PPP2R2C: variants seen among roughly 807,000 people sequenced by gnomAD.
The protein encoded by PPP2R2C is protein phosphatase 2 regulatory subunit Bgamma.
In PPP2R2C, 10 loss-of-function variants were observed where a neutral mutation model predicts 45.3. The ratio of observed to expected loss-of-function variants is 0.22; its 90% CI spans 0.14 to 0.37. PPP2R2C has a LOEUF of 0.37. PPP2R2C is among the 10% of genes least tolerant of loss of function. The pLI is 1.00. For synonymous variants in PPP2R2C, 257 were observed against 245.4 expected (o/e 1.05, Z -0.44); for missense variants, 308 against 619.7 (o/e 0.50, Z 5.34).
At chr4:6,339,421 C>T (rs58048711) in intron 6 of PPP2R2C, among the ~76,000 whole-genome samples, 35,103 of 152,276 alleles carry the variant, frequency 0.23, 4,283 homozygotes, top group Admixed American at 0.26. Flanking sequence ...CTTCCCCAAC[C>T]TGATGTGGTT....
At chr4:6,525,626 G>A (rs959919673) in intron 2 of PPP2R2C, among the ~76,000 whole-genome samples, 2 of 152,076 alleles carry the variant, frequency 1.3e-5, no homozygotes, top group African/African-American at 2.4e-5. Context: ...CAGCCCTTTC[G>A]AAAGCCTTGC....
chr4:6,556,228 A>C (rs926978284), intron 1 of PPP2R2C, among the ~76,000 whole-genome samples: 1 of 152,162 alleles, frequency 6.6e-6, no homozygotes, highest in South Asian at 2.1e-4. Context: ...TGAGCATTTG[A>C]ATCAGTAGAC....
intron 6 of PPP2R2C, among the ~76,000 whole-genome samples, chr4:6,341,206 G>A (rs1733416321): frequency 6.6e-6 from 1 of 152,142 alleles, no homozygotes; most frequent in Non-Finnish European, 1.5e-5. Flanking sequence ...GGGTGTGGTG[G>A]CCGGCACCTG....
At chr4:6,557,585 G>T (rs902644171) in intron 1 of PPP2R2C, among the ~76,000 whole-genome samples, 1 of 152,168 alleles carries the variant, frequency 6.6e-6, no homozygotes, top group South Asian at 2.1e-4. Context: ...GGGGCAAAGG[G>T]CCCGGGACAG....
chr4:6,506,825 G>A (rs1723250983), intron 2 of PPP2R2C, among the ~76,000 whole-genome samples: 1 of 152,204 alleles, frequency 6.6e-6, no homozygotes, highest in Non-Finnish European at 1.5e-5. Context: ...TCTTTCACAT[G>A]TCTGGTGGTC....
At chr4:6,384,699 A>G in intron 1 of PPP2R2C, 1 of 985,440 alleles carries the variant, frequency 1.0e-6, no homozygotes, top group Non-Finnish European at 1.2e-6. Context: ...ACACACACTA[A>G]TGTCTGTGGG....
exon 2 of PPP2R2C, chr4:6,535,338 C>G (rs528496736): frequency 9.8e-6 from 15 of 1,534,778 alleles, no homozygotes; most frequent in Non-Finnish European, 1.2e-5. Flanking sequence ...AGGTGACTAA[C>G]ACAGGTCATT....
chr4:6,519,115 A>T (rs150826210), intron 2 of PPP2R2C, among the ~76,000 whole-genome samples: 3 of 152,122 alleles, frequency 2.0e-5, no homozygotes, highest in African/African-American at 7.2e-5. Context: ...CAGAATGGAG[A>T]GGATAGTGAG....
chr4:6,519,210 T>C (rs1363495974), intron 2 of PPP2R2C, among the ~76,000 whole-genome samples: 1 of 152,128 alleles, frequency 6.6e-6, no homozygotes, highest in African/African-American at 2.4e-5. Context: ...CCCAGCTATG[T>C]TGGGAGACCA....
chr4:6,424,763 C>T (rs1719193693), intron 1 of PPP2R2C, among the ~76,000 whole-genome samples: 1 of 152,132 alleles, frequency 6.6e-6, no homozygotes, highest in Admixed American at 6.5e-5. Context: ...GGGGGCAAAT[C>T]ACCCTTCCCA....
In PPP2R2C at chr4:6,328,965, A is replaced by G. The variant is rs1197383946; in HGVS notation, c.1052+297T>C. 2.0e-5 allele frequency among the ~76,000 whole-genome samples: 3 copies of G among 152,150 alleles called. No homozygotes were observed. Among genetic ancestry groups the G allele is most frequent in the Non-Finnish European group, 4.4e-5 (3 of 68,022 alleles). On this transcript the variant is annotated intron_variant, in intron 8 of 8. Coordinates refer to ENST00000382599, the MANE Select transcript of PPP2R2C (RefSeq NM_020416.4). This position sits in a 1 kb window ranked among gnomAD's most constrained non-coding sequence, Gnocchi z 4.4. ...CGCCCCCGACAAGCTGGGAGAGGGG[A>G]GCACATCACCGGGGACCCTGAATTA...
chr4:6,370,338 G>A (rs1156300438), intron 5 of PPP2R2C, among the ~76,000 whole-genome samples: 5 of 152,230 alleles, frequency 3.3e-5, no homozygotes, highest in Admixed American at 1.3e-4. Context: ...CGAACGGCAG[G>A]CTGATTTGTA....
intron 2 of PPP2R2C, among the ~76,000 whole-genome samples, chr4:6,506,632 A>C (rs1372802982): frequency 6.6e-6 from 1 of 152,236 alleles, no homozygotes; most frequent in Non-Finnish European, 1.5e-5. Flanking sequence ...TAGGTGTTCC[A>C]GTTACCTACT....
intron 1 of PPP2R2C, among the ~76,000 whole-genome samples, chr4:6,546,007 G>C (rs1465062887): frequency 2.6e-5 from 4 of 152,226 alleles, no homozygotes; most frequent in Non-Finnish European, 2.9e-5. Flanking sequence ...GAAGCATGGA[G>C]AGATGGAGTT....
chr4:6,415,961 A>C (rs1718550901), intron 1 of PPP2R2C, among the ~76,000 whole-genome samples: 1 of 152,230 alleles, frequency 6.6e-6, no homozygotes, highest in Non-Finnish European at 1.5e-5. Context: ...GGACCCAAAC[A>C]GAGCACCCCA....
At chr4:6,384,498 T>C (rs1716083844) in intron 1 of PPP2R2C, 1 of 976,856 alleles carries the variant, frequency 1.0e-6, no homozygotes, top group African/African-American at 1.8e-5. Flanking sequence ...TTTTAATAGC[T>C]GTATTGAGGT....
intron 6 of PPP2R2C, among the ~76,000 whole-genome samples, chr4:6,341,338 CAAAA>C (rs10604483): frequency 4.4e-5 from 4 of 91,304 alleles, no homozygotes; most frequent in South Asian, 3.9e-4. Context: ...GACTCCATTT[CAAAA>C]AAAAAAAAAA....
intron 5 of PPP2R2C, among the ~76,000 whole-genome samples, chr4:6,360,597 G>A (rs183307817): frequency 1.3e-5 from 2 of 152,322 alleles, no homozygotes; most frequent in African/African-American, 4.8e-5. Context: ...GAGCTCACCA[G>A]GGACGCCGGA....
chr4:6,515,880 C>T (rs1337646826), intron 2 of PPP2R2C, among the ~76,000 whole-genome samples: 1 of 152,208 alleles, frequency 6.6e-6, no homozygotes, highest in Non-Finnish European at 1.5e-5. Flanking sequence ...CTCCCAGCTT[C>T]CGGCATTGCC....
Sources: gnomAD v4.1 joint callset for allele counts (sites outside exome capture counted in the v4.1 genomes callset) on GRCh38, gnomAD v4.1.1 for gene constraint, Gnocchi (gnomAD v3.1) non-coding constraint, MANE v1.5 for transcripts, NCBI Gene and HGNC (gene_info 2026-07-23, HGNC 2026-07-21) for gene names.